The following TFDP2 variants were observed in gnomAD, a reference collection of about 807,000 sequenced individuals.
The protein encoded by TFDP2 is transcription factor Dp-2 (E2F dimerization partner 2).
TFDP2 carries 17 observed loss-of-function variants against 59.3 expected under a neutral mutation model. The observed-to-expected ratio is 0.29, with a 90% CI of 0.20 to 0.43. The LOEUF (loss-of-function observed/expected upper bound fraction) is 0.43, where lower values mean the gene tolerates loss of function less well. TFDP2 is among the 20% of genes least tolerant of loss of function. The pLI is 1.00. For synonymous variants in TFDP2, 180 were observed against 194.7 expected, an observed-to-expected ratio of 0.92 and a Z score of 0.63; for missense variants, 391 against 528.8, an observed-to-expected ratio of 0.74 and a Z score of 2.56.
intron 3 of TFDP2, among the ~76,000 whole-genome samples, chr3:142,034,090 C>G (rs12489339): frequency 1.1e-5 from 1 of 93,790 alleles, no homozygotes; most frequent in Non-Finnish European, 2.1e-5. Flanking sequence ...TTTGCACCAA[C>G]TTTTTTTTTT....
chr3:141,957,686 C>T (rs1421825702), intron 11 of TFDP2, among the ~76,000 whole-genome samples: 1 of 152,138 alleles, frequency 6.6e-6, no homozygotes, highest in Non-Finnish European at 1.5e-5. Context: ...CCTTGAAACA[C>T]TACACTAAGT....
rs535689926 is a variant in TFDP2, at chr3:141,959,599, C to T, written c.1051+75G>A. Reference sequence around the variant, plus strand: ...AGATGTTCTAAAATTTTGCAATTTTCTATAAGAAAGGTTTTAACAAGTTTG... The same window carrying T: ...AGATGTTCTAAAATTTTGCAATTTTTTATAAGAAAGGTTTTAACAAGTTTG... On this transcript the variant is annotated intron_variant, in intron 11 of 12. Transcript: ENST00000489671. 3.3e-5 allele frequency: 51 copies of T among 1,543,882 alleles called. No individual in the cohort carries two copies. The African/African-American group carries it at 5.9e-4, about 18-fold the overall frequency.
intron 1 of TFDP2, among the ~76,000 whole-genome samples, chr3:142,147,362 T>C (rs761188754): frequency 2.0e-5 from 3 of 152,226 alleles, no homozygotes; most frequent in Non-Finnish European, 2.9e-5. Context: ...TGAGATCCAT[T>C]ATAACACATA....
In TFDP2 at chr3:142,027,501, T is replaced by TCTCCCA. The variant is rs562857128; in HGVS notation, c.83-21963_83-21958dup. ...GACCTCCTCTCCCTCTCCCTCTCCCTCTCCCACTCCCGCTCCCCACCCACA... is the reference window on the plus strand; with the variant it reads ...GACCTCCTCTCCCTCTCCCTCTCCCTCTCCCACTCCCACTCCCGCTCCCCACCCACA... On this transcript the variant is annotated intron_variant, in intron 3 of 12. Transcript: ENST00000489671. Among the ~76,000 whole-genome samples, 110 of 151,756 alleles carry TCTCCCA rather than the reference T, an allele frequency of 7.2e-4. No homozygotes were observed. The Middle Eastern group carries it at 0.017, about 23-fold the overall frequency.
At chr3:142,026,439 C>T (rs919155680) in intron 3 of TFDP2, among the ~76,000 whole-genome samples, 2 of 152,172 alleles carry the variant, frequency 1.3e-5, no homozygotes, top group Non-Finnish European at 2.9e-5. Context: ...CCAGCCTTCT[C>T]TCTCCTTAGG....
At chr3:142,085,680 A>C (rs568542354) in intron 3 of TFDP2, among the ~76,000 whole-genome samples, 2 of 152,284 alleles carry the variant, frequency 1.3e-5, no homozygotes, top group African/African-American at 2.4e-5. Flanking sequence ...GAAACAGTTA[A>C]ATCTTAAAAA....
rs1935033225 is a variant in TFDP2 at position 141,944,454 on chromosome 3, A to T, written c.*8059T>A. The T allele has an allele frequency of 6.6e-6, 1 of 152,184 alleles. No homozygotes were observed. Among genetic ancestry groups the T allele is most frequent in the Admixed American group, 6.5e-5 (1 of 15,272 alleles). 9.4% of individuals were successfully genotyped at this position (152,184 alleles called of 1,614,324 possible). ...TATTTTAAAGTGTTTATTTTTTTCT[A>T]TAATACATTTCATTCAAATCATAAA... On this transcript the variant is annotated 3_prime_UTR_variant, in exon 13 of 13. Coordinates refer to ENST00000489671, the MANE Select transcript of TFDP2 (RefSeq NM_001178139.2).
intron 6 of TFDP2, among the ~76,000 whole-genome samples, chr3:141,992,962 T>G (rs1168153267): frequency 6.6e-6 from 1 of 152,186 alleles, no homozygotes; most frequent in African/African-American, 2.4e-5. Context: ...GTCCTAATAT[T>G]CTAAGATAAC....
At chr3:141,955,880 T>A (rs1417917646) in intron 11 of TFDP2, among the ~76,000 whole-genome samples, 2 of 152,214 alleles carry the variant, frequency 1.3e-5, no homozygotes, top group Non-Finnish European at 2.9e-5. Context: ...CAATCTCCGT[T>A]CACTGCAACC....
chr3:142,102,509 T>C (rs980760837), intron 1 of TFDP2, among the ~76,000 whole-genome samples: 16 of 152,230 alleles, frequency 1.1e-4, no homozygotes, highest in African/African-American at 3.6e-4. Context: ...ATACAGTTAG[T>C]AAAACTTCCA....
At chr3:142,036,875 T>C (rs760140993) in intron 3 of TFDP2, among the ~76,000 whole-genome samples, 12 of 152,226 alleles carry the variant, frequency 7.9e-5, no homozygotes, top group Admixed American at 6.5e-5. Flanking sequence ...ATATTCCTGC[T>C]GTCCTGTCTT....
rs79348569 is a variant in TFDP2 at position 141,997,897 on chromosome 3, G to A, written c.187-2756C>T. On this transcript the variant is annotated intron_variant, in intron 4 of 12. Coordinates refer to ENST00000489671, the MANE Select transcript of TFDP2 (RefSeq NM_001178139.2). The stretch of plus-strand genomic sequence containing the variant: ...AGAAAGAAAGGAAAAAAAGAGAGAA[G>A]GAAGGGAAAGAGGACATAGAGAAAA... Among the ~76,000 whole-genome samples the A allele has an allele frequency of 4.5e-3, 680 of 150,112 alleles. 9 individuals are homozygous for A. Among genetic ancestry groups the A allele is most frequent in the African/African-American group, 0.016 (646 of 40,956 alleles).
chr3:142,122,256 C>T (rs2062074901), intron 1 of TFDP2, among the ~76,000 whole-genome samples: 1 of 152,132 alleles, frequency 6.6e-6, no homozygotes, highest in South Asian at 2.1e-4. Context: ...TCACTTGGGT[C>T]CCACATAACG....
chr3:142,028,795 A>G lies in TFDP2; in HGVS notation c.83-23251T>C. 2 of 876,556 alleles carry G rather than the reference A, an allele frequency of 2.3e-6. 1 individual carries two copies. Among genetic ancestry groups the G allele is most frequent in the South Asian group, 1.0e-4 (2 of 19,148 alleles). 54.3% of individuals were successfully genotyped at this position (876,556 alleles called of 1,614,324 possible). On this transcript the variant is annotated intron_variant, in intron 3 of 12. Transcript: ENST00000489671. ...TATGAATACTGTTTACAACAAAGAC[A>G]TCTCAAAAGAAATTGAAAAGTGCAG...
intron 11 of TFDP2, among the ~76,000 whole-genome samples, chr3:141,956,064 T>C (rs1936583124): frequency 6.6e-6 from 1 of 152,180 alleles, no homozygotes; most frequent in African/African-American, 2.4e-5. Context: ...TGCCTCAGCC[T>C]CCCAAAGTGC....
intron 3 of TFDP2, among the ~76,000 whole-genome samples, chr3:142,066,730 C>CT (rs2060085258): frequency 6.6e-6 from 1 of 152,076 alleles, no homozygotes; most frequent in Non-Finnish European, 1.5e-5. Context: ...AGACTCATCT[C>CT]TAAGACTATA....
intron 2 of TFDP2, among the ~76,000 whole-genome samples, chr3:142,097,618 G>C (rs2061200921): frequency 6.6e-6 from 1 of 152,104 alleles, no homozygotes; most frequent in Non-Finnish European, 1.5e-5. Context: ...CCAGGAGGTG[G>C]AGGCTGCAGT....
At chr3:142,072,457 C>G (rs2060280364) in intron 3 of TFDP2, among the ~76,000 whole-genome samples, 1 of 152,098 alleles carries the variant, frequency 6.6e-6, no homozygotes, top group South Asian at 2.1e-4. Flanking sequence ...AACAGTGATT[C>G]AAAAAGAAAG....
At chr3:141,964,763 C>A (rs1394227499) in intron 9 of TFDP2, among the ~76,000 whole-genome samples, 1 of 152,210 alleles carries the variant, frequency 6.6e-6, no homozygotes, top group African/African-American at 2.4e-5. Flanking sequence ...AGCACAGCCA[C>A]ATGGTTTCTA....
Sources: gnomAD v4.1 joint callset for allele counts (sites outside exome capture counted in the v4.1 genomes callset) on GRCh38, gnomAD v4.1.1 for gene constraint, MANE v1.5 for transcripts, NCBI Gene and HGNC (gene_info 2026-07-23, HGNC 2026-07-21) for gene names.